KCNQ1OT1: variants seen among roughly 807,000 people sequenced by gnomAD.
The protein encoded by KCNQ1OT1 is KCNQ1 antisense RNA 2 (non-protein coding).
exon 1 of KCNQ1OT1, chr11:2,628,355 T>C (rs1849293744): frequency 2.5e-6 from 1 of 398,472 alleles, no homozygotes; most frequent in African/African-American, 2.1e-5. Flanking sequence ...GATATCTCAG[T>C]GTGGTTTTCA....
At chr11:2,697,599 C>T (rs1252851384) in exon 1 of KCNQ1OT1, 1 of 398,494 alleles carries the variant, frequency 2.5e-6, no homozygotes, top group East Asian at 3.6e-5. Context: ...AACTTTATCA[C>T]ATCATTTTTT....
chr11:2,667,121 A>G, exon 1 of KCNQ1OT1: 1 of 398,696 alleles, frequency 2.5e-6, no homozygotes, highest in Non-Finnish European at 4.4e-6. Flanking sequence ...GTAATGGCTC[A>G]GTGGGAAAGA....
At chr11:2,618,633 C>T (rs1263775250) in exon 1 of KCNQ1OT1, 3 of 398,374 alleles carry the variant, frequency 7.5e-6, no homozygotes, top group Admixed American at 4.4e-5. Flanking sequence ...TATGAAGTCT[C>T]CCTTTGTTTT....
chr11:2,629,954 C>T (rs1474418118), exon 1 of KCNQ1OT1: 1 of 398,208 alleles, frequency 2.5e-6, no homozygotes, highest in Non-Finnish European at 4.4e-6. Flanking sequence ...ACTTCCAGTA[C>T]TGTGTTGAAT....
In KCNQ1OT1 at chr11:2,674,784, G is replaced by A. The variant is rs114137805; in HGVS notation, n.25211C>T. 473 of 369,322 alleles carry A rather than the reference G, an allele frequency of 1.3e-3. 1 individual carries two copies. The highest frequency in any genetic ancestry group is 0.01 in the African/African-American group (428 of 41,300). 22.9% of individuals were successfully genotyped at this position (369,322 alleles called of 1,614,324 possible). ...CCAGACCAGCTTCCTGGAAACTCTC[G>A]CCAACTGCTGGCCTTTGGAAAGGCT... On this transcript the variant is annotated non_coding_transcript_exon_variant, in exon 1 of 1. Coordinates refer to ENST00000597346, the Ensembl canonical transcript of KCNQ1OT1. The surrounding 1 kb of genome is among the most constrained non-coding windows in gnomAD (Gnocchi z 5.9).
Position 2,691,061 on chromosome 11 carries a change from T to C in KCNQ1OT1, n.8934A>G, listed in dbSNP as rs1850579928. The C allele has an allele frequency of 5.0e-6, 2 of 398,528 alleles. No homozygotes were observed. The allele number at this position is 398,528 out of a possible 1,614,324, so 24.7% of individuals were successfully genotyped here. On this transcript the variant is annotated non_coding_transcript_exon_variant, in exon 1 of 1. Transcript: ENST00000597346. This position sits in a 1 kb window ranked among gnomAD's most constrained non-coding sequence, Gnocchi z 6.4. ...AGGATATGCTGGGTGAGGGAAATAA[T>C]GGAGGCACCTTTGTTCTAGATGCCT... is the stretch of plus-strand genomic sequence containing the variant.
Position 2,687,879 on chromosome 11 carries a change from T to C in KCNQ1OT1, n.12116A>G, listed in dbSNP as rs1850518048. ...AGCCTCAAAGGCTGGACTTGGGGTG[T>C]CCCGCGGAAATCCTGGTGGGATGGA... On this transcript the variant is annotated non_coding_transcript_exon_variant, in exon 1 of 1. Transcript: ENST00000597346. This position sits in a 1 kb window ranked among gnomAD's most constrained non-coding sequence, Gnocchi z 5.0. The C allele has an allele frequency of 5.0e-6, 2 of 398,516 alleles. No individual in the cohort carries two copies. Among genetic ancestry groups the C allele is most frequent in the Admixed American group, 8.8e-5 (2 of 22,716 alleles). The allele number at this position is 398,516 out of a possible 1,614,324, so 24.7% of individuals were successfully genotyped here.
At chr11:2,644,724 A>G (rs1176437693) in exon 1 of KCNQ1OT1, 5 of 398,504 alleles carry the variant, frequency 1.3e-5, no homozygotes, top group African/African-American at 6.2e-5. Context: ...TCCTGAAGAT[A>G]TATCTATGGT....
At chr11:2,660,242 G>T (rs1160225874) in exon 1 of KCNQ1OT1, 2 of 397,694 alleles carry the variant, frequency 5.0e-6, no homozygotes, top group Admixed American at 8.8e-5. Context: ...TTTTCTAATT[G>T]TTGATCATCT....
Position 2,608,418 on chromosome 11 carries a change from C to G in KCNQ1OT1, n.91577G>C, listed in dbSNP as rs938965001. The G allele has an allele frequency of 9.0e-5, 36 of 398,266 alleles. No individual in the cohort carries two copies. The highest frequency in any genetic ancestry group is 7.4e-4 in the African/African-American group (36 of 48,552). The allele number at this position is 398,266 out of a possible 1,614,324, so 24.7% of individuals were successfully genotyped here. ...TTGGCACAAAATTGTTCATAGTGTT[C>G]CTTCATAATCCTTTTTATTTCTGTC... On this transcript the variant is annotated non_coding_transcript_exon_variant, in exon 1 of 1. Transcript: ENST00000597346. This position sits in a 1 kb window ranked among gnomAD's most constrained non-coding sequence, Gnocchi z 4.6.
At chr11:2,648,106 G>A (rs1849695031) in exon 1 of KCNQ1OT1, 1 of 392,892 alleles carries the variant, frequency 2.5e-6, no homozygotes, top group Non-Finnish European at 4.5e-6. Flanking sequence ...CTCAGAAGCT[G>A]AGGCAGGAGG....
Position 2,674,330 on chromosome 11 carries a change from T to C in KCNQ1OT1, n.25665A>G. The C allele has an allele frequency of 2.5e-6, 1 of 398,674 alleles. No individual in the cohort carries two copies. The highest frequency in any genetic ancestry group is 4.4e-6 in the Non-Finnish European group (1 of 226,108). 24.7% of individuals were successfully genotyped at this position (398,674 alleles called of 1,614,324 possible). The stretch of plus-strand genomic sequence containing the variant: ...AGAGCTGGAGGCCAAGGACACCCTC[T>C]GGAAATCTGAATTCCATTCGCTCTT... On this transcript the variant is annotated non_coding_transcript_exon_variant, in exon 1 of 1. Coordinates refer to ENST00000597346, the Ensembl canonical transcript of KCNQ1OT1. The surrounding 1 kb of genome is among the most constrained non-coding windows in gnomAD (Gnocchi z 5.9).
In KCNQ1OT1 at chr11:2,674,415, G is replaced by A. The variant is rs914066507; in HGVS notation, n.25580C>T. 3.2e-5 allele frequency: 9 copies of A among 278,058 alleles called. No individual in the cohort carries two copies. Among genetic ancestry groups the A allele is most frequent in the Middle Eastern group, 2.2e-3 (2 of 892 alleles). The allele number at this position is 278,058 out of a possible 1,614,324, so 17.2% of individuals were successfully genotyped here. Reference sequence around the variant, plus strand: ...TGCGTGCGTGTGTGTGTGCGCGCCCGCGCGCACACGACCACAGAGGCTGGG... The same window carrying A: ...TGCGTGCGTGTGTGTGTGCGCGCCCACGCGCACACGACCACAGAGGCTGGG... On this transcript the variant is annotated non_coding_transcript_exon_variant, in exon 1 of 1. Transcript: ENST00000597346. The surrounding 1 kb of genome is among the most constrained non-coding windows in gnomAD (Gnocchi z 5.9).
chr11:2,619,441 C>T (rs1338068686), exon 1 of KCNQ1OT1: 2 of 398,416 alleles, frequency 5.0e-6, no homozygotes, highest in African/African-American at 2.1e-5. Flanking sequence ...ATGTGGTTTT[C>T]ATCTTTCAGT....
At chr11:2,641,720 CTAAAGTGTTTCCCCAATGTCTCCTTCAT>C (rs1219749820) in exon 1 of KCNQ1OT1, 4 of 398,248 alleles carry the variant, frequency 1.0e-5, no homozygotes, top group Non-Finnish European at 1.8e-5. Context: ...GACCAATGTC[CTAAAGTGTTTCCCCAATGTCTCCTTCAT>C]TAATAGTGAT....
Position 2,612,936 on chromosome 11 carries a change from T to C in KCNQ1OT1, n.87059A>G. ...CTCGCTTGTGTATGCCTTCTCTGCA[T>C]GGATTCTGCAGAGTCTGTGTTCTCC... On this transcript the variant is annotated non_coding_transcript_exon_variant, in exon 1 of 1. Transcript: ENST00000597346. The surrounding 1 kb of genome is among the most constrained non-coding windows in gnomAD (Gnocchi z 5.5). 1 of 398,620 alleles carries C rather than the reference T, an allele frequency of 2.5e-6. No homozygotes were observed. The highest frequency in any genetic ancestry group is 4.4e-6 in the Non-Finnish European group (1 of 226,052). The allele number at this position is 398,620 out of a possible 1,614,324, so 24.7% of individuals were successfully genotyped here. A position where few individuals can be genotyped will look rare whatever the true frequency, so the allele number is the denominator to read the frequency against.
In KCNQ1OT1 at chr11:2,653,079, C is replaced by A. The variant is rs928819594; in HGVS notation, n.46916G>T. ...ATAATTTGCATCAAACATCCTCATA[C>A]AGCAGGGTGTGGAGAGAGGCTCACT... On this transcript the variant is annotated non_coding_transcript_exon_variant, in exon 1 of 1. Coordinates refer to ENST00000597346, the Ensembl canonical transcript of KCNQ1OT1. This position sits in a 1 kb window ranked among gnomAD's most constrained non-coding sequence, Gnocchi z 5.3. The A allele has an allele frequency of 2.5e-6, 1 of 398,736 alleles. No individual in the cohort carries two copies. Among genetic ancestry groups the A allele is most frequent in the Admixed American group, 4.4e-5 (1 of 22,744 alleles). The allele number at this position is 398,736 out of a possible 1,614,324, so 24.7% of individuals were successfully genotyped here.
chr11:2,681,116 C>A (rs565554114), exon 1 of KCNQ1OT1: 2 of 398,484 alleles, frequency 5.0e-6, no homozygotes, highest in African/African-American at 4.1e-5. Context: ...AGATGCCCCC[C>A]AAAAAAGCAC....
exon 1 of KCNQ1OT1, chr11:2,656,477 A>G: frequency 2.5e-6 from 1 of 398,098 alleles, no homozygotes; most frequent in Non-Finnish European, 4.4e-6. Context: ...GAAGTCTGCC[A>G]CTCGCCCCCA....
Sources: allele counts gnomAD v4.1 joint callset, GRCh38; gene constraint gnomAD v4.1.1; non-coding constraint Gnocchi (gnomAD v3.1); transcripts MANE v1.5; gene names NCBI Gene and HGNC (gene_info 2026-07-23, HGNC 2026-07-21).